MISP: variants seen among roughly 807,000 people sequenced by gnomAD.
The protein encoded by MISP is mitotic interactor and substrate of PLK1.
In MISP, 51 loss-of-function variants were observed where a neutral mutation model predicts 49.3. The observed-to-expected ratio is 1.03, with a 90% CI of 0.83 to 1.31. The LOEUF (loss-of-function observed/expected upper bound fraction) is 1.31, where lower values mean the gene tolerates loss of function less well. MISP is among the 50% of genes most tolerant of loss of function. The pLI is 0.00. For missense variants in MISP, 1,084 were observed against 935.1 expected (o/e 1.16, Z -2.08); for synonymous variants, 444 against 392.6 (o/e 1.13, Z -1.55).
At position 757,130 on chromosome 19, in the gene MISP, C is replaced by T; in HGVS notation, c.184C>T (p.Gln62Ter). The change falls in exon 2 of 5, where the codon CAG (glutamine) becomes TAG (stop). Residue 62 changes from glutamine to a stop codon, truncating the protein, a stop_gained. Coordinates refer to ENST00000215582, the MANE Select transcript of MISP (RefSeq NM_173481.4). LOFTEE classifies it high-confidence loss of function. Reference protein sequence around the residue: ...PTDHRAQQGVQRQGVSYSVHA... With the variant: ...PTDHRAQQGV ...TGACCACAGGGCCCAGCAGGGCGTG[C>T]AGAGGCAGGGGGTGTCCTACAGCGT... is the stretch of plus-strand genomic sequence containing the variant. The T allele has an allele frequency of 6.2e-7, 1 of 1,613,304 alleles. No individual in the cohort carries two copies. The highest frequency in any genetic ancestry group is 8.5e-7 in the Non-Finnish European group (1 of 1,179,890).
chr19:757,779 C>G lies in MISP; in HGVS notation c.833C>G (p.Ser278Cys). The change falls in exon 2 of 5, where the codon TCC becomes TGC. Residue 278 changes from serine (S) to cysteine (C), a missense_variant. Transcript: ENST00000215582. ...ASVQVVDDPG[S>C]LASVESPGTP... is the part of the protein sequence containing the mutation. ...GTCCAAGTTGTGGATGACCCTGGCT[C>G]CTTGGCCTCAGTGGAGTCCCCGGGG... 6.2e-7 allele frequency: 1 copy of G among 1,613,166 alleles called. No individual in the cohort carries two copies. Among genetic ancestry groups the G allele is most frequent in the Non-Finnish European group, 8.5e-7 (1 of 1,179,506 alleles).
chr19:757,410 G>A lies in MISP; in HGVS notation c.464G>A (p.Ser155Asn). ...AVIQGQAVRK[S>N]STVATLQGTP... is the part of the protein sequence containing the mutation. ...ATCCAGGGCCAGGCAGTCAGGAAGA[G>A]CAGCACCGTGGCCACGCTCCAGGGC... is the stretch of plus-strand genomic sequence containing the variant. The change falls in exon 2 of 5, where the codon AGC becomes AAC. Residue 155 changes from serine to asparagine, a missense_variant. Transcript: ENST00000215582. 1 of 1,604,896 alleles carries A rather than the reference G, an allele frequency of 6.2e-7. No individual in the cohort carries two copies. Among genetic ancestry groups the A allele is most frequent in the Non-Finnish European group, 8.5e-7 (1 of 1,176,292 alleles).
chr19:762,779 C>T (rs913441991), intron 4 of MISP, among the ~76,000 whole-genome samples: 10 of 152,112 alleles, frequency 6.6e-5, no homozygotes, highest in African/African-American at 1.9e-4. Flanking sequence ...CCACCTCAGC[C>T]TCCCAAGTAG....
At chr19:748,563 T>A (rs1350631356), upstream of MISP, among the ~76,000 whole-genome samples, 10 of 152,038 alleles carry the variant, frequency 6.6e-5, no homozygotes. Flanking sequence ...AGGACTGGCT[T>A]CCCGGGGGGC....
upstream of MISP, among the ~76,000 whole-genome samples, chr19:748,968 C>T (rs2033418854): frequency 6.6e-6 from 1 of 152,218 alleles, no homozygotes; most frequent in Non-Finnish European, 1.5e-5. Flanking sequence ...GAAACCCTGT[C>T]TCTACTAAAA....
chr19:757,391 G>A lies in MISP; in HGVS notation c.445G>A (p.Gly149Ser). Reference protein sequence around the residue: ...LERERWAVIQGQAVRKSSTVA... With the variant: ...LERERWAVIQSQAVRKSSTVA... ...GCGGGAGCGCTGGGCCGTCATCCAG[G>A]GCCAGGCAGTCAGGAAGAGCAGCAC... Residue 149 changes from glycine (G) to serine (S), a missense_variant, in exon 2 of 5, where the codon GGC becomes AGC. Physicochemically the swap from Gly to Ser is moderately conservative, Grantham distance 56 (BLOSUM62 0). Transcript: ENST00000215582. 3 of 1,610,014 alleles carry A rather than the reference G, an allele frequency of 1.9e-6. No individual in the cohort carries two copies. The highest frequency in any genetic ancestry group is 2.5e-6 in the Non-Finnish European group (3 of 1,178,490).
rs567372263 is a variant in MISP, at chr19:761,644, C to A, written c.1931C>A (p.Ser644Ter). The change falls in exon 4 of 5, where the codon TCG becomes TAG. Residue 644 changes from serine (S) to a stop codon, truncating the protein, a stop_gained. Transcript: ENST00000215582. LOFTEE classifies it low-confidence loss of function (END_TRUNC). ...KEQWYAGINP[S>*]DGINSEVLEA... The stretch of plus-strand genomic sequence containing the variant: ...CTGTAGTACGCTGGCATCAACCCCT[C>A]GGACGGTATCAACTCAGAGGTGAGT... The A allele has an allele frequency of 1.2e-6, 2 of 1,613,990 alleles. No homozygotes were observed. The highest frequency in any genetic ancestry group is 2.7e-5 in the African/African-American group (2 of 74,924).
chr19:759,811 C>G (rs1373228927), intron 2 of MISP, 98 bp from the exon 3 acceptor site: 2 of 1,400,238 alleles, frequency 1.4e-6, no homozygotes, highest in Non-Finnish European at 2.0e-6. Flanking sequence ...CTCTGTCTGT[C>G]CATACATCTG....
upstream of MISP, among the ~76,000 whole-genome samples, chr19:749,811 C>T (rs368353009): frequency 3.3e-5 from 5 of 151,698 alleles, no homozygotes; most frequent in African/African-American, 7.3e-5. Context: ...GTGACAAGAG[C>T]GAGACTCCGT....
At chr19:748,595 C>T (rs1051999869), upstream of MISP, among the ~76,000 whole-genome samples, 3 of 152,180 alleles carry the variant, frequency 2.0e-5, no homozygotes, top group Non-Finnish European at 2.9e-5. Context: ...GCGGCCGCCC[C>T]GTCCTGTCCT....
chr19:763,121 CAAAAA>C (rs1297728878), intron 4 of MISP, among the ~76,000 whole-genome samples: 2 of 152,222 alleles, frequency 1.3e-5, no homozygotes, highest in Non-Finnish European at 2.9e-5. Flanking sequence ...ACTAAAAATA[CAAAAA>C]ATTAGCCAGG....
chr19:759,176 A>G (rs1450613126), intron 2 of MISP, among the ~76,000 whole-genome samples: 3 of 148,478 alleles, frequency 2.0e-5, no homozygotes, highest in Non-Finnish European at 4.5e-5. Flanking sequence ...GGTGCCCACC[A>G]CCACTCCCGG....
chr19:763,131 G>T (rs1011755133), intron 4 of MISP, among the ~76,000 whole-genome samples: 1 of 152,140 alleles, frequency 6.6e-6, no homozygotes. Context: ...CAAAAAATTA[G>T]CCAGGCGCCG....
chr19:757,052 A>C lies in MISP; in HGVS notation c.106A>C (p.Met36Leu). 2 of 1,610,128 alleles carry C rather than the reference A, an allele frequency of 1.2e-6. No individual in the cohort carries two copies. Among genetic ancestry groups the C allele is most frequent in the South Asian group, 1.1e-5 (1 of 90,648 alleles). Residue 36 changes from methionine (M) to leucine (L), a missense_variant, in exon 2 of 5, where the codon ATG becomes CTG. Met to Leu is a conservative substitution (Grantham distance 15). Coordinates refer to ENST00000215582, the MANE Select transcript of MISP (RefSeq NM_173481.4). ...CAGCTACACATACCATCTGGTGTGCATGGGCCCCGAGGCCAGCGGCTGGGG... is the reference window on the plus strand; with the variant it reads ...CAGCTACACATACCATCTGGTGTGCCTGGGCCCCGAGGCCAGCGGCTGGGG... ...DTSYTYHLVC[M>L]GPEASGWGQD...
intron 1 of MISP, among the ~76,000 whole-genome samples, chr19:752,181 G>C (rs1375005981): frequency 6.6e-6 from 1 of 152,144 alleles, no homozygotes; most frequent in Non-Finnish European, 1.5e-5. Flanking sequence ...CGGTTCCAAG[G>C]TGTTGCAGGA....
At chr19:748,451 C>T (rs536284283), upstream of MISP, 3 of 152,490 alleles carry the variant, frequency 2.0e-5, no homozygotes, top group African/African-American at 7.2e-5. Context: ...CTGGCTTCAC[C>T]TGCCTGCACC....
Position 757,425 on chromosome 19 carries a change from C to A in MISP, c.479C>A (p.Thr160Lys). Residue 160 changes from threonine (T) to lysine (K), a missense_variant, in exon 2 of 5, where the codon ACG becomes AAG. Physicochemically the swap from Thr to Lys is moderately conservative, Grantham distance 78. Transcript: ENST00000215582. ...QAVRKSSTVATLQGTPDHGDP... is the reference protein window; with the variant it reads ...QAVRKSSTVAKLQGTPDHGDP... Reference sequence around the variant, plus strand: ...GTCAGGAAGAGCAGCACCGTGGCCACGCTCCAGGGCACTCCTGACCACGGA... The same window carrying A: ...GTCAGGAAGAGCAGCACCGTGGCCAAGCTCCAGGGCACTCCTGACCACGGA... The A allele has an allele frequency of 1.3e-6, 2 of 1,597,870 alleles. No homozygotes were observed. Among genetic ancestry groups the A allele is most frequent in the African/African-American group, 1.3e-5 (1 of 74,822 alleles).
intron 1 of MISP, among the ~76,000 whole-genome samples, chr19:755,173 C>T (rs1338447601): frequency 6.6e-6 from 1 of 152,134 alleles, no homozygotes; most frequent in African/African-American, 2.4e-5. Flanking sequence ...GCCACAGAAG[C>T]GATGCGAGCA....
intron 1 of MISP, among the ~76,000 whole-genome samples, chr19:754,332 C>T (rs952966560): frequency 9.2e-5 from 14 of 152,192 alleles, no homozygotes; most frequent in Admixed American, 2.0e-4. Context: ...GGCGTGGTGG[C>T]GGGCGCCCGT....
Sources: gnomAD v4.1 joint callset for allele counts (sites outside exome capture counted in the v4.1 genomes callset) on GRCh38, gnomAD v4.1.1 for gene constraint, MANE v1.5 for transcripts, NCBI Gene and HGNC (gene_info 2026-07-23, HGNC 2026-07-21) for gene names.